The following UBE2E1 variants were observed in gnomAD, a reference collection of about 807,000 sequenced individuals.
UBE2E1 encodes the protein ubiquitin-conjugating enzyme E2 E1.
A neutral mutation model predicts 21.4 loss-of-function variants in UBE2E1; 6 were observed. The observed-to-expected ratio is 0.28, with a 90% CI of 0.15 to 0.55. The LOEUF is 0.55. Ranked by LOEUF, UBE2E1 falls within the 20% of genes least tolerant of loss-of-function variation. UBE2E1 has a pLI of 0.93. For synonymous variants in UBE2E1, 87 were observed against 82.7 expected, an observed-to-expected ratio of 1.05 and a Z score of -0.28; for missense variants, 142 against 236.5, an observed-to-expected ratio of 0.60 and a Z score of 2.62.
intron 3 of UBE2E1, among the ~76,000 whole-genome samples, chr3:23,812,352 TGA>T (rs1192839281): frequency 6.6e-6 from 1 of 152,238 alleles, no homozygotes; most frequent in African/African-American, 2.4e-5. Flanking sequence ...GAAAGGGATG[TGA>T]GATTTCAGAA....
rs1247479186 is a variant in UBE2E1 at position 23,806,579 on chromosome 3, G to C, written c.-34+491G>C. Among the ~76,000 whole-genome samples, 2 of 140,992 alleles carry C rather than the reference G, an allele frequency of 1.4e-5. No homozygotes were observed. Among genetic ancestry groups the C allele is most frequent in the African/African-American group, 2.6e-5 (1 of 38,580 alleles). The allele number at this position is 140,992 out of a possible 152,430, so 92.5% of individuals were successfully genotyped here. On this transcript the variant is annotated intron_variant, in intron 1 of 5. Coordinates refer to ENST00000306627, the MANE Select transcript of UBE2E1 (RefSeq NM_003341.5). The surrounding 1 kb of genome is among the most constrained non-coding windows in gnomAD (Gnocchi z 6.5). The stretch of plus-strand genomic sequence containing the variant: ...GATCGGGCGTGTGCTCCGGACCCCC[G>C]CCCGGCCGCATAGCTGTGAGCAGGG...
chr3:23,882,173 C>T (rs912985376), intron 3 of UBE2E1, among the ~76,000 whole-genome samples: 1 of 152,148 alleles, frequency 6.6e-6, no homozygotes, highest in Non-Finnish European at 1.5e-5. Flanking sequence ...CTTTTTATTC[C>T]TTTATCTGGC....
chr3:23,815,483 C>T (rs1004364627), intron 3 of UBE2E1, among the ~76,000 whole-genome samples: 1 of 152,220 alleles, frequency 6.6e-6, no homozygotes, highest in Non-Finnish European at 1.5e-5. Flanking sequence ...GATCCTGCTC[C>T]TTGCACACAG....
At chr3:23,852,132 C>T (rs961826711) in intron 3 of UBE2E1, among the ~76,000 whole-genome samples, 1 of 152,212 alleles carries the variant, frequency 6.6e-6, no homozygotes, top group Non-Finnish European at 1.5e-5. Context: ...GATGCTGGCA[C>T]TATGCTTCTT....
chr3:23,869,351 C>CTTTTTTTTTTTT, intron 3 of UBE2E1, among the ~76,000 whole-genome samples: 1 of 114,620 alleles, frequency 8.7e-6, no homozygotes, highest in Non-Finnish European at 1.6e-5. Flanking sequence ...TTATGGTATC[C>CTTTTTTTTTTTT]TTTTTTTTTT....
At chr3:23,879,169 T>C (rs935131542) in intron 3 of UBE2E1, 2 of 753,050 alleles carry the variant, frequency 2.7e-6, no homozygotes, top group Non-Finnish European at 4.3e-6. Context: ...AGTTAAGTTT[T>C]AGTTTCTTCC....
chr3:23,877,412 A>G (rs1267149746), intron 3 of UBE2E1, among the ~76,000 whole-genome samples: 1 of 152,132 alleles, frequency 6.6e-6, no homozygotes, highest in East Asian at 1.9e-4. Context: ...TCTCTAAGGC[A>G]GGGTTTCTCA....
At chr3:23,890,224 T>C (rs1178535767) in intron 5 of UBE2E1, among the ~76,000 whole-genome samples, 2 of 152,010 alleles carry the variant, frequency 1.3e-5, no homozygotes, top group Non-Finnish European at 2.9e-5. Context: ...GCCTAACACA[T>C]AAGAGTAAAG....
chr3:23,840,600 G>C (rs536126732), intron 3 of UBE2E1, among the ~76,000 whole-genome samples: 2 of 152,254 alleles, frequency 1.3e-5, no homozygotes, highest in African/African-American at 2.4e-5. Flanking sequence ...TAAGTTACCA[G>C]GGTCTTTTTC....
intron 3 of UBE2E1, among the ~76,000 whole-genome samples, chr3:23,813,830 T>C (rs1287896705): frequency 6.6e-6 from 1 of 152,226 alleles, no homozygotes; most frequent in Non-Finnish European, 1.5e-5. Context: ...CGTGAGCCAC[T>C]GCACCTGGCC....
At chr3:23,848,425 G>A (rs570230981) in intron 3 of UBE2E1, among the ~76,000 whole-genome samples, 7 of 151,678 alleles carry the variant, frequency 4.6e-5, no homozygotes, top group Admixed American at 3.9e-4. Context: ...AGCTGAGATC[G>A]TGCCCCTGCA....
At chr3:23,846,289 G>T (rs1274013419) in intron 3 of UBE2E1, among the ~76,000 whole-genome samples, 2 of 152,166 alleles carry the variant, frequency 1.3e-5, no homozygotes, top group Non-Finnish European at 2.9e-5. Flanking sequence ...AGAGCTGGGT[G>T]CAGTGGCCCA....
chr3:23,859,082 A>G (rs986540658), intron 3 of UBE2E1, among the ~76,000 whole-genome samples: 1 of 152,228 alleles, frequency 6.6e-6, no homozygotes, highest in Non-Finnish European at 1.5e-5. Flanking sequence ...TATTCATTAA[A>G]TGGAACTGAT....
intron 1 of UBE2E1, 130 bp from the exon 2 acceptor site, chr3:23,807,107 G>A: frequency 4.1e-6 from 3 of 723,136 alleles, no homozygotes; most frequent in Non-Finnish European, 6.5e-6. Flanking sequence ...TGCAGACTTT[G>A]AAAAGCGAGT....
chr3:23,889,528 C>CT (rs35718655), intron 5 of UBE2E1: 158,888 of 1,367,806 alleles, frequency 0.12, 10,319 homozygotes, highest in African/African-American at 0.36. Context: ...ATTCTTCCTC[C>CT]TTTTTTTTTC....
chr3:23,842,360 C>T lies in UBE2E1; in HGVS notation c.203+30850C>T, dbSNP rs897011120. 6.6e-6 allele frequency among the ~76,000 whole-genome samples: 1 copy of T among 152,028 alleles called. No individual in the cohort carries two copies. The highest frequency in any genetic ancestry group is 2.4e-5 in the African/African-American group (1 of 41,374). ...CTCATGGGCTCAGGCAGTCCTCCCA[C>T]CTCGCCTCCTGAGTAGCTGGGATGA... On this transcript the variant is annotated intron_variant, in intron 3 of 5. Transcript: ENST00000306627. This position sits in a 1 kb window ranked among gnomAD's most constrained non-coding sequence, Gnocchi z 4.6.
At chr3:23,814,488 G>A (rs1339586135) in intron 3 of UBE2E1, among the ~76,000 whole-genome samples, 3 of 152,008 alleles carry the variant, frequency 2.0e-5, no homozygotes, top group African/African-American at 7.3e-5. Flanking sequence ...TGATTTGTGT[G>A]TGTGTGTATA....
At chr3:23,822,474 TG>T (rs1169143412) in intron 3 of UBE2E1, among the ~76,000 whole-genome samples, 1 of 152,106 alleles carries the variant, frequency 6.6e-6, no homozygotes, top group African/African-American at 2.4e-5. Context: ...TTTTTTTTTC[TG>T]ATCTCCCCTC....
chr3:23,879,218 A>G (rs1418812262), intron 3 of UBE2E1: 2 of 868,842 alleles, frequency 2.3e-6, no homozygotes, highest in Non-Finnish European at 3.6e-6. Context: ...ATACAATGCC[A>G]TCTGTGCATC....
Sources: gnomAD v4.1 joint callset for allele counts (sites outside exome capture counted in the v4.1 genomes callset) on GRCh38, gnomAD v4.1.1 for gene constraint, Gnocchi (gnomAD v3.1) non-coding constraint, MANE v1.5 for transcripts, NCBI Gene and HGNC (gene_info 2026-07-23, HGNC 2026-07-21) for gene names.